The following GPM6A variants were observed in gnomAD, a reference collection of about 807,000 sequenced individuals.
GPM6A encodes neuronal membrane glycoprotein M6-a.
Under a neutral mutation model 32.1 loss-of-function variants are expected in GPM6A, and 7 were observed. The observed-to-expected ratio is 0.22, with a 90% CI of 0.12 to 0.41. GPM6A has a LOEUF of 0.41. Among genes scored for constraint, GPM6A ranks in the 10% least tolerant of loss-of-function variants. The pLI, the probability that GPM6A is intolerant of heterozygous loss-of-function variation, is 1.00. For synonymous variants in GPM6A, 130 were observed against 123.4 expected (o/e 1.05, Z -0.35); for missense variants, 235 against 347.2 (o/e 0.68, Z 2.57).
At chr4:175,990,386 A>G (rs1305701947) in intron 1 of GPM6A, among the ~76,000 whole-genome samples, 1 of 152,178 alleles carries the variant, frequency 6.6e-6, no homozygotes, top group Non-Finnish European at 1.5e-5. Context: ...CAGTGGTTTT[A>G]CCAATGATTA....
chr4:175,964,503 G>A (rs944583272), intron 1 of GPM6A, among the ~76,000 whole-genome samples: 2 of 152,258 alleles, frequency 1.3e-5, no homozygotes, highest in East Asian at 1.9e-4. Context: ...GTGCCAGCAG[G>A]GTTGGTTTGT....
intron 1 of GPM6A, among the ~76,000 whole-genome samples, chr4:175,774,323 T>A (rs1038570864): frequency 6.6e-6 from 1 of 152,092 alleles, no homozygotes; most frequent in African/African-American, 2.4e-5. Context: ...TCATATCTAA[T>A]GTAACTCATC....
At chr4:175,699,898 A>T (rs1027469175) in intron 2 of GPM6A, among the ~76,000 whole-genome samples, 10 of 151,962 alleles carry the variant, frequency 6.6e-5, no homozygotes, top group African/African-American at 1.5e-4. Context: ...TCATTTTTTT[A>T]AATTTTTATT....
intron 1 of GPM6A, among the ~76,000 whole-genome samples, chr4:175,869,057 A>G (rs1736824692): frequency 6.6e-6 from 1 of 152,200 alleles, no homozygotes; most frequent in South Asian, 2.1e-4. Flanking sequence ...CAGGCATTTG[A>G]CTTGACTTAG....
intron 1 of GPM6A, among the ~76,000 whole-genome samples, chr4:175,888,286 G>C (rs974875883): frequency 6.6e-6 from 1 of 151,938 alleles, no homozygotes; most frequent in African/African-American, 2.4e-5. Context: ...AAGGCTTTAA[G>C]CATACCAGAA....
At chr4:175,775,389 A>C (rs1272131946) in intron 1 of GPM6A, among the ~76,000 whole-genome samples, 1 of 152,166 alleles carries the variant, frequency 6.6e-6, no homozygotes, top group African/African-American at 2.4e-5. Context: ...GAACGTTTCT[A>C]TAGTGGTGTT....
chr4:175,971,785 T>C (rs1188796117), intron 1 of GPM6A: 1 of 152,184 alleles, frequency 6.6e-6, no homozygotes, highest in African/African-American at 2.4e-5. Flanking sequence ...ACGATAGAGA[T>C]GTTGAAATCA....
intron 4 of GPM6A, among the ~76,000 whole-genome samples, chr4:175,645,700 G>A (rs368947873): frequency 6.6e-6 from 1 of 152,088 alleles, no homozygotes; most frequent in South Asian, 2.1e-4. Flanking sequence ...CAGCCTGGGC[G>A]ACAGAGCAAG....
intron 1 of GPM6A, among the ~76,000 whole-genome samples, chr4:175,778,882 A>G (rs1733503412): frequency 2.7e-5 from 4 of 150,466 alleles, no homozygotes; most frequent in African/African-American, 9.7e-5. Context: ...TATCAATAAT[A>G]TAATCACATA....
chr4:175,851,292 C>T (rs1560964701), intron 1 of GPM6A, among the ~76,000 whole-genome samples: 1 of 152,096 alleles, frequency 6.6e-6, no homozygotes, highest in East Asian at 1.9e-4. Context: ...CGAGACCAGC[C>T]TGGCCAACAT....
At chr4:175,734,646 G>A (rs1479061364) in intron 1 of GPM6A, among the ~76,000 whole-genome samples, 1 of 151,710 alleles carries the variant, frequency 6.6e-6, no homozygotes, top group African/African-American at 2.4e-5. Context: ...GGCTGAGGTG[G>A]GCAGATCATG....
At chr4:175,923,726 G>T (rs71613766) in intron 1 of GPM6A, among the ~76,000 whole-genome samples, 1 of 151,864 alleles carries the variant, frequency 6.6e-6, no homozygotes, top group South Asian at 2.1e-4. Flanking sequence ...GCTAATTTTT[G>T]TATTTTTTGT....
chr4:175,867,266 G>A (rs944781402), intron 1 of GPM6A, among the ~76,000 whole-genome samples: 2 of 152,090 alleles, frequency 1.3e-5, no homozygotes, highest in African/African-American at 4.8e-5. Flanking sequence ...ATAAACCCCA[G>A]TTTATCGTTT....
chr4:175,935,892 A>G (rs1353693170), intron 1 of GPM6A, among the ~76,000 whole-genome samples: 2 of 152,184 alleles, frequency 1.3e-5, no homozygotes, highest in East Asian at 3.8e-4. Context: ...TAATAAAATT[A>G]AGAAAGATGT....
intron 1 of GPM6A, among the ~76,000 whole-genome samples, chr4:175,976,231 C>A (rs116497961): frequency 6.6e-6 from 1 of 150,508 alleles, no homozygotes; most frequent in South Asian, 2.1e-4. Flanking sequence ...AAGCTGCACT[C>A]GGCTCACTGC....
intron 1 of GPM6A, among the ~76,000 whole-genome samples, chr4:175,759,773 C>G (rs567470805): frequency 3.3e-5 from 5 of 152,206 alleles, no homozygotes; most frequent in Non-Finnish European, 7.4e-5. Context: ...AATTTAATCT[C>G]TAAAATATGA....
chr4:175,967,482 G>A (rs1174449913), intron 1 of GPM6A, among the ~76,000 whole-genome samples: 1 of 152,136 alleles, frequency 6.6e-6, no homozygotes. Flanking sequence ...GAAGGAAGAA[G>A]TAAAACTTCA....
At chr4:175,826,857 T>C (rs1463377673) in intron 1 of GPM6A, among the ~76,000 whole-genome samples, 3 of 152,206 alleles carry the variant, frequency 2.0e-5, no homozygotes, top group Non-Finnish European at 4.4e-5. Context: ...ATTTATTTCT[T>C]TATTAACAAG....
At chr4:175,865,473 T>G (rs1395317692) in intron 1 of GPM6A, among the ~76,000 whole-genome samples, 1 of 152,226 alleles carries the variant, frequency 6.6e-6, no homozygotes, top group Non-Finnish European at 1.5e-5. Context: ...AAAATCTGAG[T>G]GGGTTCTTGA....
Sources: allele counts gnomAD v4.1 joint callset (sites outside exome capture counted in the v4.1 genomes callset), GRCh38; gene constraint gnomAD v4.1.1; transcripts MANE v1.5; gene names NCBI Gene and HGNC (gene_info 2026-07-23, HGNC 2026-07-21).